The following NRG1 variants were observed in gnomAD, a reference collection of about 807,000 sequenced individuals.
The protein encoded by NRG1 is pro-neuregulin-1, membrane-bound isoform.
NRG1 carries 18 observed loss-of-function variants against 63.8 expected under a neutral mutation model. The observed-to-expected ratio is 0.28, with a 90% confidence interval of 0.19 to 0.42. NRG1 has a LOEUF of 0.42. Ranked by LOEUF, NRG1 falls within the 10% of genes least tolerant of loss-of-function variation. The probability of loss-of-function intolerance (pLI) is 1.00; values close to 1 mark genes in which losing one functional copy is unlikely to be tolerated. For synonymous variants in NRG1, 302 were observed against 301.3 expected (o/e 1.00, Z -0.02); for missense variants, 762 against 814.7 (o/e 0.94, Z 0.79).
intron 1 of NRG1, among the ~76,000 whole-genome samples, chr8:31,945,324 G>A (rs557204859): frequency 2.6e-5 from 4 of 152,020 alleles, no homozygotes; most frequent in Admixed American, 2.0e-4. Context: ...AGAGTTTATC[G>A]ACTGTCACTA....
At chr8:32,398,457 C>T (rs2129484441) in intron 1 of NRG1, among the ~76,000 whole-genome samples, 1 of 150,012 alleles carries the variant, frequency 6.7e-6, no homozygotes, top group Middle Eastern at 3.4e-3. Flanking sequence ...GTTACCCAGG[C>T]TGGAGTGCAA....
chr8:32,384,396 C>T (rs915969110), intron 1 of NRG1, among the ~76,000 whole-genome samples: 1 of 152,176 alleles, frequency 6.6e-6, no homozygotes, highest in Non-Finnish European at 1.5e-5. Context: ...AAGAGATTAG[C>T]TCATGGCTCA....
At chr8:32,560,441 C>G (rs1306783645) in intron 1 of NRG1, among the ~76,000 whole-genome samples, 2 of 152,190 alleles carry the variant, frequency 1.3e-5, no homozygotes, top group African/African-American at 2.4e-5. Flanking sequence ...CAGGTGCCAT[C>G]ATGGTGCTGA....
At chr8:32,084,557 G>A (rs867898003) in intron 1 of NRG1, among the ~76,000 whole-genome samples, 11 of 151,974 alleles carry the variant, frequency 7.2e-5, no homozygotes, top group Admixed American at 5.2e-4. Context: ...GTCTAATTGA[G>A]TTTTTAAAAA....
intron 5 of NRG1, among the ~76,000 whole-genome samples, chr8:32,687,448 C>G (rs1018522888): frequency 2.0e-5 from 3 of 152,128 alleles, no homozygotes; most frequent in African/African-American, 7.2e-5. Context: ...AAGGGAAAAC[C>G]AGAAACCACA....
chr8:32,759,181 A>G, intron 9 of NRG1, 125 bp from the exon 10 acceptor site: 2 of 1,089,042 alleles, frequency 1.8e-6, no homozygotes, highest in Non-Finnish European at 1.3e-6. Context: ...ATTACAAATC[A>G]GCTGTACAAA....
chr8:32,479,634 C>T lies in NRG1; in HGVS notation c.38-116194C>T, dbSNP rs75011348. ...GCCTCTTAACCCTTATATTTCTTTA[C>T]ATAATTTATTCTCATTATTTTTTGT... is the stretch of plus-strand genomic sequence containing the variant. On this transcript the variant is annotated intron_variant, in intron 1 of 10. Coordinates refer to the NRG1 transcript ENST00000519301. Among the ~76,000 whole-genome samples, 596 of 152,156 alleles carry T rather than the reference C, an allele frequency of 3.9e-3. 1 individual carries two copies. The highest frequency in any genetic ancestry group is 5.5e-3 in the Non-Finnish European group (376 of 67,990).
intron 1 of NRG1, among the ~76,000 whole-genome samples, chr8:32,418,543 T>C (rs1464274313): frequency 6.6e-6 from 1 of 152,076 alleles, no homozygotes; most frequent in Non-Finnish European, 1.5e-5. Flanking sequence ...TTGGACTAGA[T>C]GCATTTCAGG....
intron 1 of NRG1, among the ~76,000 whole-genome samples, chr8:32,066,041 T>G (rs1314078047): frequency 6.6e-6 from 1 of 152,264 alleles, no homozygotes; most frequent in Non-Finnish European, 1.5e-5. Flanking sequence ...TTGTTTGTTT[T>G]TTTCTTGTAA....
At chr8:31,646,897 C>G (rs996631752) in intron 1 of NRG1, among the ~76,000 whole-genome samples, 1 of 152,198 alleles carries the variant, frequency 6.6e-6, no homozygotes, top group South Asian at 2.1e-4. Context: ...CTGGATCGAC[C>G]TTTGGGGCTT....
At chr8:32,171,748 G>T (rs539402938) in intron 1 of NRG1, among the ~76,000 whole-genome samples, 39 of 152,198 alleles carry the variant, frequency 2.6e-4, no homozygotes, top group Non-Finnish European at 1.9e-4. Flanking sequence ...CTCCCTCATT[G>T]CTAGCACAGC....
chr8:31,698,662 G>C (rs1412310117), intron 1 of NRG1, among the ~76,000 whole-genome samples: 2 of 152,140 alleles, frequency 1.3e-5, no homozygotes, highest in African/African-American at 4.8e-5. Context: ...ATTAGCATGG[G>C]TCTTTGTCTG....
chr8:32,098,908 A>G (rs2131338007), intron 1 of NRG1: 1 of 152,154 alleles, frequency 6.6e-6, no homozygotes, highest in East Asian at 1.9e-4. Context: ...GACCTCTTTA[A>G]CCCTCAGTTT....
intron 1 of NRG1, among the ~76,000 whole-genome samples, chr8:31,720,026 G>A (rs1812750011): frequency 1.3e-5 from 2 of 152,082 alleles, no homozygotes; most frequent in South Asian, 4.1e-4. Flanking sequence ...TTATTTCTGT[G>A]TGAGTGTGAT....
At chr8:32,498,199 G>A (rs1328611810) in intron 1 of NRG1, among the ~76,000 whole-genome samples, 1 of 152,136 alleles carries the variant, frequency 6.6e-6, no homozygotes, top group Non-Finnish European at 1.5e-5. Flanking sequence ...TTAGACTAGG[G>A]GGTTTATAAA....
intron 5 of NRG1, among the ~76,000 whole-genome samples, chr8:32,652,168 T>C (rs1477887804): frequency 6.6e-6 from 1 of 152,210 alleles, no homozygotes; most frequent in African/African-American, 2.4e-5. Context: ...GAGACGAATG[T>C]AGCATCAGAC....
intron 1 of NRG1, among the ~76,000 whole-genome samples, chr8:32,336,071 T>C (rs769031128): frequency 6.6e-6 from 1 of 152,180 alleles, no homozygotes; most frequent in African/African-American, 2.4e-5. Context: ...ATGAAGCAAG[T>C]GGCACCCATG....
At chr8:32,071,432 C>T (rs1187432663) in intron 1 of NRG1, among the ~76,000 whole-genome samples, 1 of 152,168 alleles carries the variant, frequency 6.6e-6, no homozygotes, top group Non-Finnish European at 1.5e-5. Flanking sequence ...TTGTCAAAGA[C>T]TGTTTCTAAA....
chr8:31,763,667 T>A (rs1341345385), intron 1 of NRG1, among the ~76,000 whole-genome samples: 1 of 152,184 alleles, frequency 6.6e-6, no homozygotes, highest in African/African-American at 2.4e-5. Flanking sequence ...AAATAGATAG[T>A]TGGCCGGACA....
Sources: gnomAD v4.1 joint callset for allele counts (sites outside exome capture counted in the v4.1 genomes callset) on GRCh38, gnomAD v4.1.1 for gene constraint, MANE v1.5 for transcripts, NCBI Gene and HGNC (gene_info 2026-07-23, HGNC 2026-07-21) for gene names.